The following SGCZ variants were observed in gnomAD, a reference collection of about 807,000 sequenced individuals.
SGCZ encodes sarcoglycan zeta, also known as zeta-sarcoglycan.
In SGCZ, 40 loss-of-function variants were observed where a neutral mutation model predicts 41.3. The observed-to-expected ratio is 0.97, with a 90% CI of 0.75 to 1.26. The LOEUF is 1.26. Ranked by LOEUF, SGCZ falls within the 50% of genes most tolerant of loss-of-function variation. SGCZ has a pLI of 0.00. For missense variants in SGCZ, 552 were observed against 369.8 expected, an observed-to-expected ratio of 1.49 and a Z score of -4.04; for synonymous variants, 206 against 137.5, an observed-to-expected ratio of 1.50 and a Z score of -3.49.
intron 3 of SGCZ, among the ~76,000 whole-genome samples, chr8:14,296,026 A>G (rs1800999694): frequency 6.6e-6 from 1 of 152,174 alleles, no homozygotes; most frequent in African/African-American, 2.4e-5. Flanking sequence ...AGTTCAGACC[A>G]GAAGGTGGAG....
chr8:15,008,574 G>T (rs1434932062), intron 1 of SGCZ, among the ~76,000 whole-genome samples: 4 of 37,822 alleles, frequency 1.1e-4, no homozygotes. Flanking sequence ...GGAGGGAGGG[G>T]GAGGGGGAGG....
At chr8:15,224,199 C>T (rs950829540) in intron 1 of SGCZ, among the ~76,000 whole-genome samples, 12 of 152,140 alleles carry the variant, frequency 7.9e-5, no homozygotes, top group African/African-American at 2.7e-4. Context: ...CTTACATAAA[C>T]TCTATTTATA....
rs1227689377 is a variant in SGCZ, at chr8:14,633,110, A to T, written c.40-78184T>A. Among the ~76,000 whole-genome samples, 5 of 152,168 alleles carry T rather than the reference A, an allele frequency of 3.3e-5. No individual in the cohort carries two copies. In the South Asian group the frequency reaches 8.3e-4, roughly 25 times the overall value. ...CAGCAATGGTATTTGCAAAGTGTTTACAACATCATGAATGTTTGCTGAGTT... is the reference window on the plus strand; with the variant it reads ...CAGCAATGGTATTTGCAAAGTGTTTTCAACATCATGAATGTTTGCTGAGTT... On this transcript the variant is annotated intron_variant, in intron 1 of 7. Transcript: ENST00000382080.
chr8:14,592,257 T>C (rs1345766663), intron 1 of SGCZ, among the ~76,000 whole-genome samples: 2 of 152,130 alleles, frequency 1.3e-5, no homozygotes, highest in African/African-American at 2.4e-5. Flanking sequence ...ATATTTGATG[T>C]CTCTCCAAAT....
chr8:14,141,660 G>T (rs1803373899), intron 5 of SGCZ, among the ~76,000 whole-genome samples: 1 of 152,156 alleles, frequency 6.6e-6, no homozygotes, highest in Non-Finnish European at 1.5e-5. Flanking sequence ...AAAAAGTCGG[G>T]AAACAACAGA....
chr8:14,772,826 A>T (rs375532341), intron 1 of SGCZ, among the ~76,000 whole-genome samples: 1 of 151,874 alleles, frequency 6.6e-6, no homozygotes, highest in Non-Finnish European at 1.5e-5. Context: ...CCAGTCTATC[A>T]TTGTTGGACA....
At chr8:15,171,618 C>A (rs1485452865) in intron 1 of SGCZ, among the ~76,000 whole-genome samples, 1 of 152,164 alleles carries the variant, frequency 6.6e-6, no homozygotes, top group Non-Finnish European at 1.5e-5. Flanking sequence ...AAAGTTTATT[C>A]CTATGAATTA....
intron 1 of SGCZ, among the ~76,000 whole-genome samples, chr8:15,129,766 T>G (rs917610199): frequency 6.8e-6 from 1 of 146,876 alleles, no homozygotes; most frequent in African/African-American, 2.5e-5. Context: ...AACACACAGA[T>G]TAAATGGAAC....
intron 1 of SGCZ, among the ~76,000 whole-genome samples, chr8:14,687,290 C>T (rs1010272558): frequency 6.6e-6 from 1 of 151,062 alleles, no homozygotes; most frequent in East Asian, 1.9e-4. Flanking sequence ...GTGTGCTGCA[C>T]CCATTAACTC....
intron 3 of SGCZ, among the ~76,000 whole-genome samples, chr8:14,256,927 C>T (rs1045996634): frequency 3.9e-5 from 6 of 152,092 alleles, no homozygotes; most frequent in Non-Finnish European, 8.8e-5. Flanking sequence ...CTGAGTTAGA[C>T]GTATATAATA....
chr8:14,979,526 T>C (rs1196955561), intron 1 of SGCZ, among the ~76,000 whole-genome samples: 3 of 152,206 alleles, frequency 2.0e-5, no homozygotes, highest in African/African-American at 7.2e-5. Flanking sequence ...TCAGTGTTGC[T>C]TTTTAATGTA....
chr8:14,953,546 G>T (rs894385362), intron 1 of SGCZ, among the ~76,000 whole-genome samples: 1 of 152,148 alleles, frequency 6.6e-6, no homozygotes, highest in Non-Finnish European at 1.5e-5. Context: ...TGTTAGCACT[G>T]CCGTAGCCAT....
At chr8:14,587,308 G>C (rs1252189859) in intron 1 of SGCZ, among the ~76,000 whole-genome samples, 1 of 149,410 alleles carries the variant, frequency 6.7e-6, no homozygotes, top group East Asian at 2.0e-4. Flanking sequence ...AAAAACAAAA[G>C]AAAATATTGT....
chr8:14,152,453 CAGA>C (rs1280145707), intron 5 of SGCZ, among the ~76,000 whole-genome samples: 1 of 152,054 alleles, frequency 6.6e-6, no homozygotes, highest in Admixed American at 6.5e-5. Flanking sequence ...CGCTTGAGCC[CAGA>C]AGTTCAAGAC....
At chr8:14,565,022 A>T (rs192682161) in intron 1 of SGCZ, among the ~76,000 whole-genome samples, 2 of 152,220 alleles carry the variant, frequency 1.3e-5, no homozygotes, top group East Asian at 3.9e-4. Flanking sequence ...AAAAGAAGCA[A>T]CCTAGCAACT....
intron 1 of SGCZ, among the ~76,000 whole-genome samples, chr8:14,858,239 T>A (rs1038353783): frequency 6.6e-6 from 1 of 151,932 alleles, no homozygotes; most frequent in Non-Finnish European, 1.5e-5. Flanking sequence ...GAAATTAAGA[T>A]AAATTATTTA....
rs73517341 is a variant in SGCZ at position 14,906,735 on chromosome 8, T to G, written c.39+330850A>C. On this transcript the variant is annotated intron_variant, in intron 1 of 7. Transcript: ENST00000382080. ...ACTTGGCGTGAGGCACACACAGTTCTGAGAAATCAACTGGAGACCAACAAT... is the reference window on the plus strand; with the variant it reads ...ACTTGGCGTGAGGCACACACAGTTCGGAGAAATCAACTGGAGACCAACAAT... Among the ~76,000 whole-genome samples the G allele has an allele frequency of 2.0e-3, 308 of 152,300 alleles. 2 individuals are homozygous for G. Among genetic ancestry groups the G allele is most frequent in the African/African-American group, 7.1e-3 (294 of 41,580 alleles).
At chr8:14,794,735 A>G (rs1408235410) in intron 1 of SGCZ, among the ~76,000 whole-genome samples, 2 of 152,210 alleles carry the variant, frequency 1.3e-5, no homozygotes, top group Non-Finnish European at 1.5e-5. Context: ...AAGACATAGC[A>G]TTGGGAATTT....
chr8:14,161,774 G>A (rs922827566), intron 5 of SGCZ, among the ~76,000 whole-genome samples: 3 of 152,096 alleles, frequency 2.0e-5, no homozygotes, highest in Non-Finnish European at 4.4e-5. Flanking sequence ...AAGAATAAAT[G>A]CAATACTATG....
Sources: gnomAD v4.1 joint callset for allele counts (sites outside exome capture counted in the v4.1 genomes callset) on GRCh38, gnomAD v4.1.1 for gene constraint, MANE v1.5 for transcripts, NCBI Gene and HGNC (gene_info 2026-07-23, HGNC 2026-07-21) for gene names.